The following PAK3 variants were observed in gnomAD, a reference collection of about 807,000 sequenced individuals.
The protein encoded by PAK3 is p21 (RAC1) activated kinase 3, also known as serine/threonine-protein kinase PAK 3.
PAK3 carries 4 observed loss-of-function variants against 41.0 expected under a neutral mutation model. The ratio of observed to expected loss-of-function variants is 0.10; its 90% CI spans 0.05 to 0.22. The LOEUF (loss-of-function observed/expected upper bound fraction) is 0.22, where lower values mean the gene tolerates loss of function less well. Among genes scored for constraint, PAK3 ranks in the 10% least tolerant of loss-of-function variants. The pLI is 1.00. For synonymous variants in PAK3, 146 were observed against 139.6 expected (o/e 1.05, Z -0.32); for missense variants, 205 against 409.9 (o/e 0.50, Z 4.32).
chrX:111,078,060 G>A (rs1414676733), intron 1 of PAK3, among the ~76,000 whole-genome samples: 2 of 111,522 alleles, frequency 1.8e-5, no homozygotes, highest in Admixed American at 9.5e-5. Flanking sequence ...TATGAAAAAA[G>A]CTCAACATCA....
At chrX:110,976,751 C>T (rs1240947100) in intron 1 of PAK3, among the ~76,000 whole-genome samples, 1 of 111,774 alleles carries the variant, frequency 8.9e-6, no homozygotes, top group African/African-American at 3.3e-5. Flanking sequence ...AAATGTGACA[C>T]ATATACAACA....
intron 1 of PAK3, among the ~76,000 whole-genome samples, chrX:110,979,043 T>G (rs2091396131): frequency 1.8e-5 from 2 of 111,492 alleles, no homozygotes; most frequent in African/African-American, 6.5e-5. Flanking sequence ...TATTGGCTGA[T>G]TTGTGATGCA....
intron 11 of PAK3, among the ~76,000 whole-genome samples, chrX:111,175,593 G>A (rs895656152): frequency 9.0e-6 from 1 of 110,950 alleles, no homozygotes. Context: ...TTGTTTTTTG[G>A]AGAGTGGGAG....
rs185650456 is a variant in PAK3 at position 111,072,404 on chromosome X, C to T, written c.-27-50673C>T. 6.2e-5 allele frequency among the ~76,000 whole-genome samples: 7 copies of T among 112,626 alleles called. No individual in the cohort carries two copies. In the East Asian group the frequency reaches 1.7e-3, roughly 27 times the overall value. Reference sequence around the variant, plus strand: ...CATATGAATAGTTACACTGAGAGTGCCTCATGTCAATTCACAACAAGTTTT... The same window carrying T: ...CATATGAATAGTTACACTGAGAGTGTCTCATGTCAATTCACAACAAGTTTT... On this transcript the variant is annotated intron_variant, in intron 1 of 14. Coordinates refer to the PAK3 transcript ENST00000425146.
rs1280015225 is a variant in PAK3, at chrX:111,220,844, T to C, written c.*397T>C. 2.5e-5 allele frequency: 3 copies of C among 120,203 alleles called. No homozygotes were observed. The highest frequency in any genetic ancestry group is 1.8e-4 in the Admixed American group (2 of 10,933). 9.9% of individuals were successfully genotyped at this position (120,203 alleles called of 1,213,427 possible). A position where few individuals can be genotyped will look rare whatever the true frequency, so the allele number is the denominator to read the frequency against. On this transcript the variant is annotated 3_prime_UTR_variant, in exon 18 of 18. Transcript: ENST00000372007. ...GCATTCAAACCTCCTTCAAAACTCC[T>C]TACCCAATGTGATGTTTTTCACTTG...
At position 111,023,373 on chromosome X, in the gene PAK3, G is replaced by A. The variant is rs150599303; in HGVS notation, c.-28+78745G>A. 7.5e-3 allele frequency among the ~76,000 whole-genome samples: 844 copies of A among 112,052 alleles called. 9 individuals are homozygous for A. Among genetic ancestry groups the A allele is most frequent in the African/African-American group, 0.026 (802 of 30,889 alleles). On this transcript the variant is annotated intron_variant, in intron 1 of 14. Transcript: ENST00000425146. ...ACATACATGTGCATGTGTCTTTATAGCAGCATGATTTATAATCCTTTGGGT... is the reference window on the plus strand; with the variant it reads ...ACATACATGTGCATGTGTCTTTATAACAGCATGATTTATAATCCTTTGGGT...
Position 111,142,099 on chromosome X carries a change from A to C in PAK3, c.179A>C (p.Asn60Thr). The C allele has an allele frequency of 8.6e-7, 1 of 1,166,633 alleles. No individual in the cohort carries two copies. Among genetic ancestry groups the C allele is most frequent in the Non-Finnish European group, 1.2e-6 (1 of 854,329 alleles). ...CATGTTAACATTTTGCCTTTAGCCA[A>C]TAAGAAGAAGGAGAAAGAGCGCCCA... ...SIFPGGGDKT[N>T]KKKEKERPEI... The change falls in exon 6 of 18, where the codon AAT becomes ACT. Residue 60 changes from asparagine (N) to threonine (T), a missense_variant. Around this residue, in one of 5 missense-constraint regions of PAK3, gnomAD observed 22 missense variants for 83.5 expected, o/e 0.26. Coordinates refer to ENST00000372007, the MANE Select transcript of PAK3 (RefSeq NM_002578.5).
At chrX:111,168,397 C>T (rs975592365) in intron 10 of PAK3, among the ~76,000 whole-genome samples, 3 of 110,978 alleles carry the variant, frequency 2.7e-5, no homozygotes, top group African/African-American at 9.8e-5. Flanking sequence ...TTTTCTTTAT[C>T]GTAATTTACA....
At chrX:111,162,509 T>C (rs1191200432) in intron 8 of PAK3, among the ~76,000 whole-genome samples, 1 of 111,794 alleles carries the variant, frequency 8.9e-6, no homozygotes, top group African/African-American at 3.3e-5. Flanking sequence ...AAAATAGTTC[T>C]TTTCAAGTTG....
chrX:111,163,552 GT>G lies in PAK3; in HGVS notation c.601-3del, dbSNP rs768803846. ...GCTGTTTTAATTGCAGAGCTTTTTG[GT>G]TTTTTTAGATCTATACTCGTTCTGT... On this transcript the variant is annotated splice_polypyrimidine_tract_variant and intron_variant, in intron 9 of 17. Coordinates refer to ENST00000372007, the MANE Select transcript of PAK3 (RefSeq NM_002578.5). 10 of 1,194,997 alleles carry G rather than the reference GT, an allele frequency of 8.4e-6. No individual in the cohort carries two copies. The highest frequency in any genetic ancestry group is 1.1e-5 in the Non-Finnish European group (10 of 882,831).
intron 1 of PAK3, among the ~76,000 whole-genome samples, chrX:111,006,849 C>CTTTCTTTTTT (rs1556434441): frequency 7.0e-5 from 3 of 42,719 alleles, no homozygotes; most frequent in Non-Finnish European, 1.3e-4. Context: ...TTCTTTCTTT[C>CTTTCTTTTTT]TTTTTTTTTT....
intron 1 of PAK3, among the ~76,000 whole-genome samples, chrX:110,997,167 G>C (rs1420285061): frequency 2.7e-5 from 3 of 111,061 alleles, no homozygotes; most frequent in Non-Finnish European, 3.8e-5. Context: ...AAGGGGAAGA[G>C]TGGTAGGTGA....
At chrX:111,157,561 C>T (rs2094122585) in intron 8 of PAK3, among the ~76,000 whole-genome samples, 1 of 110,918 alleles carries the variant, frequency 9.0e-6, no homozygotes, top group Admixed American at 9.6e-5. Flanking sequence ...GAGGCTGAGG[C>T]GGGCGGATCA....
At chrX:111,189,557 C>A (rs1372969275) in intron 11 of PAK3, among the ~76,000 whole-genome samples, 1 of 111,812 alleles carries the variant, frequency 8.9e-6, no homozygotes, top group Non-Finnish European at 1.9e-5. Flanking sequence ...TATAAGTGTT[C>A]TCTTTTCTTG....
chrX:111,134,841 T>C lies in PAK3; in HGVS notation c.176-7255T>C, dbSNP rs541066021. Among the ~76,000 whole-genome samples, 46 of 111,390 alleles carry C rather than the reference T, an allele frequency of 4.1e-4. No homozygotes were observed. In the South Asian group the frequency reaches 0.017, roughly 40 times the overall value. On this transcript the variant is annotated intron_variant, in intron 5 of 17. Coordinates refer to ENST00000372007, the MANE Select transcript of PAK3 (RefSeq NM_002578.5). ...TGAAGGCAGCAGGCATGACACGCTCTTAGTTGAGCTTCTATGAATACAACT... is the reference window on the plus strand; with the variant it reads ...TGAAGGCAGCAGGCATGACACGCTCCTAGTTGAGCTTCTATGAATACAACT...
chrX:110,988,858 T>C (rs375319664), intron 1 of PAK3, among the ~76,000 whole-genome samples: 5 of 112,050 alleles, frequency 4.5e-5, no homozygotes, highest in African/African-American at 1.6e-4. Context: ...GGAAAATGCA[T>C]CTGGGTTTAT....
intron 8 of PAK3, among the ~76,000 whole-genome samples, chrX:111,160,915 A>G (rs868812617): frequency 5.6e-4 from 63 of 111,973 alleles, no homozygotes; most frequent in Non-Finnish European, 8.1e-4. Flanking sequence ...GAATAGTGCC[A>G]CAATAAACAT....
In PAK3 at chrX:111,077,023, C is replaced by G. The variant is rs111483571; in HGVS notation, c.-27-46054C>G. ...TACACTAATAATGAACTATCCCCCC[C>G]CAAAAAATCAAGAAAACAGTCTCTT... is the stretch of plus-strand genomic sequence containing the variant. On this transcript the variant is annotated intron_variant, in intron 1 of 14. Coordinates refer to the PAK3 transcript ENST00000425146. 1.1e-3 allele frequency among the ~76,000 whole-genome samples: 125 copies of G among 111,018 alleles called. 1 individual carries two copies. The highest frequency in any genetic ancestry group is 3.4e-3 in the African/African-American group (104 of 30,571).
intron 16 of PAK3, among the ~76,000 whole-genome samples, chrX:111,198,959 G>A (rs2094647568): frequency 9.0e-6 from 1 of 111,591 alleles, no homozygotes; most frequent in South Asian, 3.8e-4. Flanking sequence ...CTATCCAAGA[G>A]CATGGAAAGT....
Sources: gnomAD v4.1 joint callset for allele counts (sites outside exome capture counted in the v4.1 genomes callset) on GRCh38, gnomAD v4.1.1 for gene constraint, gnomAD v4.1.1 regional missense constraint, MANE v1.5 for transcripts, NCBI Gene and HGNC (gene_info 2026-07-23, HGNC 2026-07-21) for gene names.